Variants in CTTNBP2 observed in about 807,000 individuals in gnomAD.
The protein encoded by CTTNBP2 is cortactin binding protein 2.
In CTTNBP2, 108 loss-of-function variants were observed where a neutral mutation model predicts 156.9. The observed-to-expected ratio is 0.69, with a 90% CI of 0.59 to 0.81. The LOEUF (loss-of-function observed/expected upper bound fraction) is 0.81. Ranked by LOEUF, CTTNBP2 falls within the 30% of genes least tolerant of loss-of-function variation. The pLI is 0.00. For synonymous variants in CTTNBP2, 767 were observed against 751.8 expected (o/e 1.02, Z -0.33); for missense variants, 1,924 against 2,035.4 (o/e 0.95, Z 1.05).
intron 8 of CTTNBP2, among the ~76,000 whole-genome samples, chr7:117,774,711 C>T (rs766912813): frequency 6.6e-6 from 1 of 150,758 alleles, no homozygotes; most frequent in Non-Finnish European, 1.5e-5. Flanking sequence ...TGTTATGTCC[C>T]TTCAAGCTCT....
At chr7:117,794,003 C>T (rs967089464) in intron 3 of CTTNBP2, among the ~76,000 whole-genome samples, 4 of 152,112 alleles carry the variant, frequency 2.6e-5, no homozygotes, top group Non-Finnish European at 4.4e-5. Context: ...CCTGCCTGCA[C>T]CCCCCCTCAC....
At chr7:117,824,277 T>C (rs374868234) in intron 2 of CTTNBP2, among the ~76,000 whole-genome samples, 2 of 152,190 alleles carry the variant, frequency 1.3e-5, no homozygotes, top group Non-Finnish European at 2.9e-5. Context: ...ATTCTGGGCA[T>C]ATAGCCCTTT....
intron 22 of CTTNBP2, among the ~76,000 whole-genome samples, chr7:117,717,803 G>C (rs1794519756): frequency 6.7e-6 from 1 of 150,284 alleles, no homozygotes; most frequent in African/African-American, 2.4e-5. Context: ...TCAAATTGAA[G>C]GGAAAAAAGT....
chr7:117,774,788 AC>A (rs944912566), intron 8 of CTTNBP2, among the ~76,000 whole-genome samples: 1 of 152,158 alleles, frequency 6.6e-6, no homozygotes, highest in African/African-American at 2.4e-5. Context: ...TAGCAACGAT[AC>A]TACTACCCTG....
At chr7:117,761,775 T>C (rs374085902) in intron 9 of CTTNBP2, among the ~76,000 whole-genome samples, 1 of 152,186 alleles carries the variant, frequency 6.6e-6, no homozygotes, top group South Asian at 2.1e-4. Flanking sequence ...AACAAGAGTA[T>C]GTGAAATTTT....
chr7:117,862,357 T>G (rs1775531621), intron 1 of CTTNBP2, among the ~76,000 whole-genome samples: 2 of 152,036 alleles, frequency 1.3e-5, no homozygotes, highest in South Asian at 4.2e-4. Flanking sequence ...TCACACAAGG[T>G]TCTTCCAGCC....
intron 22 of CTTNBP2, among the ~76,000 whole-genome samples, chr7:117,712,032 C>T (rs997267710): frequency 6.6e-6 from 1 of 152,148 alleles, no homozygotes; most frequent in Non-Finnish European, 1.5e-5. Context: ...AGTGCTAAGG[C>T]GTCGATCTCC....
rs762786467 is a variant in CTTNBP2, at chr7:117,777,465, C to A, written c.2778+46G>T. On this transcript the variant is annotated intron_variant, in intron 8 of 22. Coordinates refer to ENST00000160373, the MANE Select transcript of CTTNBP2 (RefSeq NM_033427.3). Reference sequence around the variant, plus strand: ...ATCTATAGCAGACAACTTTGCTGCTCATCAAATTACAGCTGCATGATGAGG... The same window carrying A: ...ATCTATAGCAGACAACTTTGCTGCTAATCAAATTACAGCTGCATGATGAGG... The A allele has an allele frequency of 2.5e-6, 4 of 1,580,546 alleles. No homozygotes were observed. The African/African-American group carries it at 5.4e-5, about 21-fold the overall frequency.
intron 19 of CTTNBP2, among the ~76,000 whole-genome samples, chr7:117,724,136 A>G (rs961608937): frequency 6.6e-6 from 1 of 152,108 alleles, no homozygotes; most frequent in South Asian, 2.1e-4. Context: ...ATTCACCTGG[A>G]AAGGCCTTAA....
intron 3 of CTTNBP2, among the ~76,000 whole-genome samples, chr7:117,801,151 A>G (rs1799586696): frequency 6.6e-6 from 1 of 152,164 alleles, no homozygotes. Context: ...ATGCCACATA[A>G]AAAATGCAGA....
At chr7:117,840,295 G>A (rs1264842072) in intron 2 of CTTNBP2, among the ~76,000 whole-genome samples, 1 of 152,020 alleles carries the variant, frequency 6.6e-6, no homozygotes, top group Non-Finnish European at 1.5e-5. Flanking sequence ...AAAGTAAGGG[G>A]ATATTTCTGA....
intron 2 of CTTNBP2, among the ~76,000 whole-genome samples, chr7:117,829,529 G>C (rs1165945586): frequency 6.6e-6 from 1 of 152,108 alleles, no homozygotes; most frequent in Non-Finnish European, 1.5e-5. Context: ...CTTTGTATTG[G>C]GAAGATGATG....
At chr7:117,744,242 A>C (rs1005468577) in intron 14 of CTTNBP2, among the ~76,000 whole-genome samples, 1 of 152,152 alleles carries the variant, frequency 6.6e-6, no homozygotes, top group African/African-American at 2.4e-5. Context: ...ATTATTACTG[A>C]CTATAGTCAC....
At chr7:117,783,009 G>A in intron 5 of CTTNBP2, 48 bp from the exon 6 acceptor site, 1 of 1,369,182 alleles carries the variant, frequency 7.3e-7, no homozygotes, top group Non-Finnish European at 1.0e-6. Context: ...TTGGAGTTAT[G>A]ATGTGCCAAA....
intron 2 of CTTNBP2, among the ~76,000 whole-genome samples, chr7:117,833,166 C>T (rs111801521): frequency 2.6e-5 from 4 of 152,228 alleles, no homozygotes; most frequent in African/African-American, 9.6e-5. Context: ...CCCTACAGCC[C>T]AGGAATCTGC....
chr7:117,830,412 AT>A (rs1801529268), intron 2 of CTTNBP2, among the ~76,000 whole-genome samples: 11 of 152,344 alleles, frequency 7.2e-5, no homozygotes, highest in Admixed American at 4.6e-4. Flanking sequence ...ACCATGATAT[AT>A]TAAGAATCTA....
intron 8 of CTTNBP2, among the ~76,000 whole-genome samples, chr7:117,768,977 T>A (rs1392194405): frequency 3.3e-5 from 5 of 152,236 alleles, no homozygotes; most frequent in Non-Finnish European, 7.3e-5. Context: ...ATTCTCTTGT[T>A]GATGAACATT....
intron 8 of CTTNBP2, among the ~76,000 whole-genome samples, chr7:117,770,110 T>C (rs1013121133): frequency 1.3e-5 from 2 of 152,208 alleles, no homozygotes; most frequent in African/African-American, 4.8e-5. Context: ...ACAGTCCAAA[T>C]ATCCAGTTAA....
In CTTNBP2 at chr7:117,760,533, G is replaced by C. The variant is rs971651941; in HGVS notation, c.3074C>G (p.Ser1025Cys). ...TTCCAGACTCCACCATCCATCAGAA[G>C]AGATTGCCTGGAAATGATTTGTCAG... ...QALTNHFQAI[S>C]SDGWWSLEDV... Residue 1025 changes from serine to cysteine, a missense_variant, in exon 10 of 23, where the codon TCT becomes TGT. Transcript: ENST00000160373. 6.2e-7 allele frequency: 1 copy of C among 1,614,018 alleles called. No individual in the cohort carries two copies. Among genetic ancestry groups the C allele is most frequent in the African/African-American group, 1.3e-5 (1 of 74,922 alleles).
Sources: allele counts gnomAD v4.1 joint callset (sites outside exome capture counted in the v4.1 genomes callset), GRCh38; gene constraint gnomAD v4.1.1; transcripts MANE v1.5; gene names NCBI Gene and HGNC (gene_info 2026-07-23, HGNC 2026-07-21).